EPB41: variants seen among roughly 807,000 people sequenced by gnomAD.
EPB41 encodes the protein erythrocyte membrane protein band 4.1.
In EPB41, 65 loss-of-function variants were observed where a neutral mutation model predicts 108.0. The observed-to-expected ratio is 0.60, with a 90% CI of 0.49 to 0.74. EPB41 has a LOEUF of 0.74. EPB41 is among the 30% of genes least tolerant of loss of function. The pLI is 0.00. For synonymous variants in EPB41, 336 were observed against 358.9 expected (o/e 0.94, Z 0.72); for missense variants, 875 against 1,037.0 (o/e 0.84, Z 2.15).
At chr1:28,951,743 A>C (rs919921672) in intron 1 of EPB41, among the ~76,000 whole-genome samples, 4 of 152,116 alleles carry the variant, frequency 2.6e-5, no homozygotes, top group African/African-American at 9.7e-5. Context: ...GGTCCTAGCT[A>C]CTTGGGAGGC....
chr1:28,887,202 C>G lies in EPB41; in HGVS notation c.-16C>G, dbSNP rs761781741. The stretch of plus-strand genomic sequence containing the variant: ...GCGGTCGGCCCGGTCCCCGCCGCAC[C>G]CAGCCCAGGTGAGCCTGGACCACCT... On this transcript the variant is annotated 5_prime_UTR_variant, in exon 1 of 17. Coordinates refer to the EPB41 transcript ENST00000347529. This position sits in a 1 kb window ranked among gnomAD's most constrained non-coding sequence, Gnocchi z 4.9. The G allele has an allele frequency of 4.4e-5, 56 of 1,276,486 alleles. No individual in the cohort carries two copies. Among genetic ancestry groups the G allele is most frequent in the Admixed American group, 2.3e-5 (1 of 43,430 alleles). 79.1% of individuals were successfully genotyped at this position (1,276,486 alleles called of 1,614,324 possible).
intron 1 of EPB41, among the ~76,000 whole-genome samples, chr1:28,982,856 G>A (rs983095336): frequency 1.3e-5 from 2 of 152,038 alleles, no homozygotes; most frequent in South Asian, 4.1e-4. Flanking sequence ...CCTATGAAGT[G>A]TTCTGTTATG....
intron 16 of EPB41, among the ~76,000 whole-genome samples, chr1:29,095,374 G>A (rs376995937): frequency 6.6e-6 from 1 of 152,208 alleles, no homozygotes; most frequent in African/African-American, 2.4e-5. Flanking sequence ...GCCTGTGCTA[G>A]ATGTACTCAA....
At chr1:29,111,780 C>A (rs1669250536) in intron 18 of EPB41, among the ~76,000 whole-genome samples, 1 of 151,970 alleles carries the variant, frequency 6.6e-6, no homozygotes, top group African/African-American at 2.4e-5. Context: ...AGTTTGAGAC[C>A]AGCCTGGCCA....
At position 28,949,108 on chromosome 1, in the gene EPB41, A is replaced by G. The variant is rs1571215191; in HGVS notation, c.-8+34340A>G. The stretch of plus-strand genomic sequence containing the variant: ...ATTCATTCTCCTGCCTTCCCTTCAG[A>G]GATAACTGCTGCTGAGCATTTTGTA... On this transcript the variant is annotated intron_variant, in intron 1 of 20. Coordinates refer to ENST00000343067, the MANE Select transcript of EPB41 (RefSeq NM_001376013.1). 2.0e-5 allele frequency among the ~76,000 whole-genome samples: 3 copies of G among 152,110 alleles called. No individual in the cohort carries two copies. The East Asian group carries it at 5.8e-4, about 29-fold the overall frequency.
intron 1 of EPB41, among the ~76,000 whole-genome samples, chr1:28,941,370 A>C (rs1222339400): frequency 6.6e-6 from 1 of 152,126 alleles, no homozygotes; most frequent in East Asian, 1.9e-4. Flanking sequence ...GCAGAGTGAG[A>C]CCTTGTCTCA....
chr1:28,892,074 T>C (rs1366189909), intron 1 of EPB41, among the ~76,000 whole-genome samples: 1 of 50,316 alleles, frequency 2.0e-5, no homozygotes, highest in Non-Finnish European at 3.6e-5. Flanking sequence ...GCCTGGGCAA[T>C]AAGAACAAGA....
At position 28,887,490 on chromosome 1, in the gene EPB41, C is replaced by G. The variant is rs752768807; in HGVS notation, c.-8+280C>G. 3.0e-6 allele frequency: 3 copies of G among 985,174 alleles called. No homozygotes were observed. Among genetic ancestry groups the G allele is most frequent in the East Asian group, 2.3e-4 (2 of 8,754 alleles). 61.0% of individuals were successfully genotyped at this position (985,174 alleles called of 1,614,324 possible). A position where few individuals can be genotyped will look rare whatever the true frequency, so the allele number is the denominator to read the frequency against. On this transcript the variant is annotated intron_variant, in intron 1 of 16. Coordinates refer to the EPB41 transcript ENST00000347529. This position sits in a 1 kb window ranked among gnomAD's most constrained non-coding sequence, Gnocchi z 4.9. Reference sequence around the variant, plus strand: ...GGAGCTAGACACGTCCGGGTCCGGCCGGTCCTGGCTGTCTGGGGCGGGGGT... The same window carrying G: ...GGAGCTAGACACGTCCGGGTCCGGCGGGTCCTGGCTGTCTGGGGCGGGGGT...
chr1:29,064,918 G>T, intron 15 of EPB41, 64 bp from the exon 16 acceptor site: 1 of 1,606,976 alleles, frequency 6.2e-7, no homozygotes, highest in South Asian at 1.1e-5. Flanking sequence ...CTGACGGGTT[G>T]CCCTTGATTA....
At chr1:29,019,088 C>T (rs1043913351) in intron 7 of EPB41, among the ~76,000 whole-genome samples, 1 of 152,088 alleles carries the variant, frequency 6.6e-6, no homozygotes, top group African/African-American at 2.4e-5. Flanking sequence ...GAGATTATCA[C>T]CTCAGAGAAA....
At chr1:28,994,368 T>C (rs962181898) in intron 3 of EPB41, among the ~76,000 whole-genome samples, 7 of 151,776 alleles carry the variant, frequency 4.6e-5, no homozygotes, top group African/African-American at 1.4e-4. Context: ...AGACGGGGTT[T>C]CACCGTGTTA....
chr1:29,068,418 AG>A, intron 16 of EPB41, among the ~76,000 whole-genome samples: 1 of 152,282 alleles, frequency 6.6e-6, no homozygotes, highest in African/African-American at 2.4e-5. Flanking sequence ...AAATCTTCTC[AG>A]GGTTGGTTTT....
At chr1:29,072,798 C>T (rs1652050256) in intron 16 of EPB41, 1 of 152,186 alleles carries the variant, frequency 6.6e-6, no homozygotes, top group Non-Finnish European at 1.5e-5. Context: ...AAAGGTAACA[C>T]TGCCAATATT....
intron 5 of EPB41, among the ~76,000 whole-genome samples, chr1:29,012,121 G>C (rs56172343): frequency 0.023 from 3,491 of 151,298 alleles, 48 homozygotes; most frequent in Non-Finnish European, 0.037. Context: ...AGATTTTGTT[G>C]ATTTTTTTTT....
rs1168214316 is a variant in EPB41, at chr1:28,943,188, A to G, written c.-8+28420A>G. 2.0e-5 allele frequency among the ~76,000 whole-genome samples: 3 copies of G among 152,232 alleles called. No individual in the cohort carries two copies. The East Asian group carries it at 5.8e-4, about 29-fold the overall frequency. On this transcript the variant is annotated intron_variant, in intron 1 of 20. Transcript: ENST00000343067. ...TATGTTAATTTGGTAAAAAATTTCC[A>G]TAATAACAGTTCCTTTGATTCTAAG...
At chr1:29,086,399 G>T (rs1166488810) in intron 16 of EPB41, among the ~76,000 whole-genome samples, 2 of 151,226 alleles carry the variant, frequency 1.3e-5, no homozygotes, top group Non-Finnish European at 2.9e-5. Context: ...TCATCCTCCG[G>T]AGTAGCTAGG....
intron 17 of EPB41, among the ~76,000 whole-genome samples, chr1:29,107,024 A>G (rs1667439820): frequency 1.3e-5 from 2 of 151,854 alleles, no homozygotes; most frequent in Admixed American, 6.6e-5. Flanking sequence ...TTTCTACTAA[A>G]AATACAGAAT....
chr1:28,998,884 A>C (rs1225675644), intron 4 of EPB41, among the ~76,000 whole-genome samples: 1 of 152,236 alleles, frequency 6.6e-6, no homozygotes, highest in African/African-American at 2.4e-5. Flanking sequence ...CATTGTATTA[A>C]AAAATCATAA....
At chr1:29,112,330 A>T in intron 18 of EPB41, 38 bp from the exon 19 acceptor site, 1 of 1,525,806 alleles carries the variant, frequency 6.6e-7, no homozygotes, top group South Asian at 1.1e-5. Context: ...TTCTTGTTAT[A>T]TCGCTGATCT....
Sources: gnomAD v4.1 joint callset for allele counts (sites outside exome capture counted in the v4.1 genomes callset) on GRCh38, gnomAD v4.1.1 for gene constraint, Gnocchi (gnomAD v3.1) non-coding constraint, MANE v1.5 for transcripts, NCBI Gene and HGNC (gene_info 2026-07-23, HGNC 2026-07-21) for gene names.